Variants in APPBP2 observed in about 807,000 individuals in gnomAD.
APPBP2 encodes the protein amyloid protein-binding protein 2.
APPBP2 carries 15 observed loss-of-function variants against 76.0 expected under a neutral mutation model. The ratio of observed to expected loss-of-function variants is 0.20; its 90% CI spans 0.13 to 0.30. APPBP2 has a LOEUF of 0.30. Among genes scored for constraint, APPBP2 ranks in the 10% least tolerant of loss-of-function variants. The pLI is 1.00. For missense variants in APPBP2, 401 were observed against 687.2 expected (o/e 0.58, Z 4.66); for synonymous variants, 222 against 242.2 (o/e 0.92, Z 0.77).
intron 3 of APPBP2, among the ~76,000 whole-genome samples, chr17:60,489,919 C>T (rs903163352): frequency 5.9e-5 from 9 of 152,096 alleles, no homozygotes; most frequent in Admixed American, 4.6e-4. Context: ...CCTGTAATCT[C>T]GGCTACTTGG....
chr17:60,494,943 A>C (rs1461561521), intron 2 of APPBP2, among the ~76,000 whole-genome samples: 2 of 151,988 alleles, frequency 1.3e-5, no homozygotes, highest in African/African-American at 4.8e-5. Flanking sequence ...CCCAGTTTTT[A>C]AAAGGCAATG....
At chr17:60,460,478 C>T (rs2090468715) in intron 9 of APPBP2, 185 bp downstream of exon 9, 1 of 486,550 alleles carries the variant, frequency 2.1e-6, no homozygotes. Context: ...CACCTGAAAA[C>T]TGGTATGATT....
chr17:60,496,272 T>C (rs2090774856), intron 2 of APPBP2: 1 of 152,212 alleles, frequency 6.6e-6, no homozygotes. Flanking sequence ...AGAATTTAAA[T>C]TGGTGAATTT....
intron 12 of APPBP2, among the ~76,000 whole-genome samples, chr17:60,448,756 A>G (rs2090369407): frequency 6.6e-6 from 1 of 152,198 alleles, no homozygotes. Context: ...AAATAAGAAA[A>G]TATTTATCTG....
At chr17:60,462,285 A>C (rs761187240) in intron 6 of APPBP2, 22 of 484,372 alleles carry the variant, frequency 4.5e-5, no homozygotes, top group Non-Finnish European at 7.3e-5. Flanking sequence ...AAATTTTGAC[A>C]GTCAGTCCTA....
At chr17:60,477,170 T>C (rs2143373494) in intron 4 of APPBP2, among the ~76,000 whole-genome samples, 1 of 152,304 alleles carries the variant, frequency 6.6e-6, no homozygotes, top group Admixed American at 6.5e-5. Context: ...TGTGAGCTAC[T>C]TGCTACAGAT....
At chr17:60,467,671 T>C (rs898828418) in intron 4 of APPBP2, among the ~76,000 whole-genome samples, 1 of 152,122 alleles carries the variant, frequency 6.6e-6, no homozygotes, top group African/African-American at 2.4e-5. Context: ...GGTAATATGA[T>C]CAAAAGATTC....
intron 1 of APPBP2, among the ~76,000 whole-genome samples, chr17:60,503,430 C>G (rs1598369592): frequency 6.9e-6 from 1 of 145,300 alleles, no homozygotes; most frequent in Non-Finnish European, 1.5e-5. Context: ...TCTTGTTGCC[C>G]AGGCTGGAGT....
At chr17:60,467,220 T>C (rs919080828) in intron 4 of APPBP2, among the ~76,000 whole-genome samples, 2 of 152,112 alleles carry the variant, frequency 1.3e-5, no homozygotes, top group Admixed American at 6.6e-5. Context: ...AATACAACTT[T>C]CTGAAAATGC....
intron 3 of APPBP2, among the ~76,000 whole-genome samples, chr17:60,491,798 C>T (rs776613853): frequency 3.9e-5 from 6 of 152,084 alleles, no homozygotes; most frequent in Non-Finnish European, 5.9e-5. Context: ...AAATTTGCAG[C>T]CTCAGGATGC....
At chr17:60,487,577 T>A (rs1389926195) in intron 3 of APPBP2, among the ~76,000 whole-genome samples, 1 of 152,196 alleles carries the variant, frequency 6.6e-6, no homozygotes. Flanking sequence ...CACTGTTTAT[T>A]CTAGTTAGCC....
chr17:60,514,430 A>G (rs1230728692), intron 1 of APPBP2, among the ~76,000 whole-genome samples: 1 of 152,152 alleles, frequency 6.6e-6, no homozygotes, highest in East Asian at 1.9e-4. Flanking sequence ...ACAGAGCCAG[A>G]CCCCGTTTCT....
At position 60,450,871 on chromosome 17, in the gene APPBP2, T is replaced by C. The variant is rs73326412; in HGVS notation, c.1504+1009A>G. Among the ~76,000 whole-genome samples, 516 of 152,316 alleles carry C rather than the reference T, an allele frequency of 3.4e-3. 8 individuals are homozygous for C. The highest frequency in any genetic ancestry group is 0.012 in the African/African-American group (480 of 41,576). Reference sequence around the variant, plus strand: ...AAGCAAGAATAAGAGATGATATCTATGACACATGTAACCAACGAAGGTCTG... The same window carrying C: ...AAGCAAGAATAAGAGATGATATCTACGACACATGTAACCAACGAAGGTCTG... On this transcript the variant is annotated intron_variant, in intron 12 of 12. Coordinates refer to ENST00000083182, the MANE Select transcript of APPBP2 (RefSeq NM_006380.5).
chr17:60,511,546 CTG>C (rs2090913232), intron 1 of APPBP2, among the ~76,000 whole-genome samples: 3 of 149,436 alleles, frequency 2.0e-5, no homozygotes, highest in Admixed American at 6.7e-5. Flanking sequence ...GATCGCATCA[CTG>C]TATTCCAGCC....
intron 3 of APPBP2, among the ~76,000 whole-genome samples, chr17:60,490,942 G>C (rs913698821): frequency 2.6e-5 from 4 of 152,108 alleles, no homozygotes; most frequent in Admixed American, 1.3e-4. Context: ...TCCAGTCTCA[G>C]GTATGTCTTT....
intron 1 of APPBP2, 68 bp from the exon 2 acceptor site, chr17:60,500,555 G>C (rs2090815061): frequency 9.1e-7 from 1 of 1,095,908 alleles, no homozygotes; most frequent in African/African-American, 1.6e-5. Context: ...AATCATATTT[G>C]ATAAATGTAA....
At chr17:60,471,468 T>A (rs1403989016) in intron 4 of APPBP2, among the ~76,000 whole-genome samples, 1 of 151,942 alleles carries the variant, frequency 6.6e-6, no homozygotes, top group Non-Finnish European at 1.5e-5. Flanking sequence ...ATACTCTTTA[T>A]CATATTGAAG....
intron 1 of APPBP2, among the ~76,000 whole-genome samples, chr17:60,522,879 A>G (rs938863884): frequency 6.6e-6 from 1 of 151,868 alleles, no homozygotes; most frequent in African/African-American, 2.4e-5. Flanking sequence ...TTTTTAAAAA[A>G]AAGAAAAAAC....
At position 60,474,607 on chromosome 17, in the gene APPBP2, T is replaced by A. The variant is rs200830636; in HGVS notation, c.503+4541A>T. ...TGTTGTTCAAAATACAGGTTGAGTA[T>A]CCTTATTTGAAATGTTTGGGACCAA... On this transcript the variant is annotated intron_variant, in intron 4 of 12. Coordinates refer to ENST00000083182, the MANE Select transcript of APPBP2 (RefSeq NM_006380.5). 3.3e-5 allele frequency among the ~76,000 whole-genome samples: 5 copies of A among 152,370 alleles called. No individual in the cohort carries two copies. The East Asian group carries it at 9.6e-4, about 29-fold the overall frequency.
Sources: allele counts gnomAD v4.1 joint callset (sites outside exome capture counted in the v4.1 genomes callset), GRCh38; gene constraint gnomAD v4.1.1; transcripts MANE v1.5; gene names NCBI Gene and HGNC (gene_info 2026-07-23, HGNC 2026-07-21).